Variants in COPS6 observed in about 807,000 individuals in gnomAD.
COPS6 encodes the protein COP9 signalosome subunit 6, also known as COP9 signalosome complex subunit 6.
COPS6 carries 9 observed loss-of-function variants against 41.0 expected under a neutral mutation model. The ratio of observed to expected loss-of-function variants is 0.22; its 90% CI spans 0.13 to 0.38. The LOEUF (loss-of-function observed/expected upper bound fraction) is 0.38. Among genes scored for constraint, COPS6 ranks in the 10% least tolerant of loss-of-function variants. The probability of loss-of-function intolerance (pLI) is 1.00; values close to 1 mark genes in which losing one functional copy is unlikely to be tolerated. For synonymous variants in COPS6, 179 were observed against 162.9 expected (o/e 1.10, Z -0.75); for missense variants, 302 against 436.7 (o/e 0.69, Z 2.75).
Position 100,090,885 on chromosome 7 carries a change from C to T in COPS6, c.487-17C>T, listed in dbSNP as rs760750182. The T allele has an allele frequency of 1.9e-6, 3 of 1,614,102 alleles. No homozygotes were observed. In the South Asian group the frequency reaches 3.3e-5, roughly 18 times the overall value. Reference sequence around the variant, plus strand: ...ATGTTGGCATATAGTGTTCAGGTTTCTCCGTCTCCTTCACAGCTTCCTGTC... The same window carrying T: ...ATGTTGGCATATAGTGTTCAGGTTTTTCCGTCTCCTTCACAGCTTCCTGTC... On this transcript the variant is annotated splice_polypyrimidine_tract_variant and intron_variant, in intron 5 of 9. Coordinates refer to ENST00000303904, the MANE Select transcript of COPS6 (RefSeq NM_006833.5).
chr7:100,091,267 G>A lies in COPS6; in HGVS notation c.679G>A (p.Ala227Thr). Reference protein sequence around the residue: ...VAEHLIAQHSAIKMLHSRVKL... With the variant: ...VAEHLIAQHSTIKMLHSRVKL... Reference sequence around the variant, plus strand: ...TGAACACCTGATAGCACAGCACAGCGCCATCAAGATGCTGCACAGCCGCGT... The same window carrying A: ...TGAACACCTGATAGCACAGCACAGCACCATCAAGATGCTGCACAGCCGCGT... The change falls in exon 8 of 10, where the codon GCC becomes ACC. Residue 227 changes from alanine to threonine, a missense_variant. Physicochemically the swap from Ala to Thr is moderately conservative, Grantham distance 58. This residue lies in a region of COPS6 where 222 missense variants were observed against 309.0 expected (regional missense o/e 0.72). Transcript: ENST00000303904. The surrounding 1 kb of genome is among the most constrained non-coding windows in gnomAD (Gnocchi z 4.1). 6.2e-7 allele frequency: 1 copy of A among 1,614,138 alleles called. No individual in the cohort carries two copies.
chr7:100,089,550 T>TA, intron 2 of COPS6, 65 bp from the exon 3 acceptor site: 1 of 1,601,382 alleles, frequency 6.2e-7, no homozygotes, highest in Non-Finnish European at 8.5e-7. Context: ...TTCCCACTGA[T>TA]CTCAGACCCT....
intron 4 of COPS6, 23 bp downstream of exon 4, chr7:100,090,510 A>T: frequency 3.7e-6 from 6 of 1,612,102 alleles, no homozygotes; most frequent in Non-Finnish European, 5.1e-6. Flanking sequence ...ACACCTGTGC[A>T]TGCTGGGGCA....
chr7:100,089,005 G>GGCGGCGGCT lies in COPS6; in HGVS notation c.18_26dup (p.Ala8_Ala10dup). 4 of 1,311,382 alleles carry GGCGGCGGCT rather than the reference G, an allele frequency of 3.1e-6. No individual in the cohort carries two copies. Among genetic ancestry groups the GGCGGCGGCT allele is most frequent in the Middle Eastern group, 4.0e-4 (2 of 4,990 alleles). The allele number at this position is 1,311,382 out of a possible 1,614,324, so 81.2% of individuals were successfully genotyped here. ...GCGCGGGGAAAATGGCGGCGGCGGC[G>GGCGGCGGCT]GCGGCGGCTGCAGCTACGAACGGGA... On this transcript the variant is annotated inframe_insertion, in exon 1 of 10. Coordinates refer to ENST00000303904, the MANE Select transcript of COPS6 (RefSeq NM_006833.5).
rs1487197861 is a variant in COPS6, at chr7:100,090,393, C to G, written c.335-6C>G. On this transcript the variant is annotated splice_region_variant and splice_polypyrimidine_tract_variant and intron_variant, in intron 3 of 9. Coordinates refer to ENST00000303904, the MANE Select transcript of COPS6 (RefSeq NM_006833.5). The stretch of plus-strand genomic sequence containing the variant: ...TTACTATATGTTCTGGCCCCTTCCC[C>G]TCTAGTTAAACAGGTGTTCAAGGAG... 1 of 1,608,688 alleles carries G rather than the reference C, an allele frequency of 6.2e-7. No homozygotes were observed. Among genetic ancestry groups the G allele is most frequent in the Non-Finnish European group, 8.5e-7 (1 of 1,175,240 alleles).
At position 100,091,657 on chromosome 7, in the gene COPS6, C is replaced by T. The variant is rs775484271; in HGVS notation, c.852C>T (p.Asn284=). The change falls in exon 10 of 10, where the codon AAC becomes AAT. Residue 284 remains asparagine (N), a synonymous_variant. Transcript: ENST00000303904. This position sits in a 1 kb window ranked among gnomAD's most constrained non-coding sequence, Gnocchi z 4.1. ...TTTCTGTTCCCTCCCAGCAATGCAA[C>T]GACGTGGGGCTCATGGCCTACCTCG... ...KFKTDFYDQC[N]DVGLMAYLGT... 11 of 1,614,186 alleles carry T rather than the reference C, an allele frequency of 6.8e-6. No homozygotes were observed. The highest frequency in any genetic ancestry group is 2.2e-5 in the East Asian group (1 of 44,890).
rs1160104645 is a variant in COPS6, at chr7:100,090,635, C to G, written c.467C>G (p.Pro156Arg). ...AGCCCCCTCTTTCTGAAGTTGAACC[C>G]TATGACCAAGCACACAGATGTGAGT... Reference protein sequence around the residue: ...IESPLFLKLNPMTKHTDLPVS... With the variant: ...IESPLFLKLNRMTKHTDLPVS... The change falls in exon 5 of 10, where the codon CCT becomes CGT. Residue 156 changes from proline (P) to arginine (R), a missense_variant. Pro to Arg is a moderately radical substitution (Grantham distance 103, BLOSUM62 -2). Transcript: ENST00000303904. 8 of 1,614,086 alleles carry G rather than the reference C, an allele frequency of 5.0e-6. No individual in the cohort carries two copies. Among genetic ancestry groups the G allele is most frequent in the Non-Finnish European group, 6.8e-6 (8 of 1,179,948 alleles).
Position 100,091,855 on chromosome 7 carries a change from T to C in COPS6, c.*66T>C. 1 of 1,599,374 alleles carries C rather than the reference T, an allele frequency of 6.3e-7. No individual in the cohort carries two copies. Among genetic ancestry groups the C allele is most frequent in the Admixed American group, 1.7e-5 (1 of 59,008 alleles). ...TATCCCAAAGGGGAGGGCACTACAC[T>C]TCCTTGAGAGAAACCGCTGTCATTA... is the stretch of plus-strand genomic sequence containing the variant. On this transcript the variant is annotated 3_prime_UTR_variant, in exon 10 of 10. Transcript: ENST00000303904. The surrounding 1 kb of genome is among the most constrained non-coding windows in gnomAD (Gnocchi z 4.1).
At chr7:100,089,550 T>C in intron 2 of COPS6, 65 bp from the exon 3 acceptor site, 1 of 1,601,382 alleles carries the variant, frequency 6.2e-7, no homozygotes, top group Non-Finnish European at 8.5e-7. Flanking sequence ...TTCCCACTGA[T>C]CTCAGACCCT....
intron 1 of COPS6, 108 bp downstream of exon 1, chr7:100,089,174 C>T (rs1236793296): frequency 6.6e-7 from 1 of 1,516,020 alleles, no homozygotes; most frequent in Non-Finnish European, 8.8e-7. Flanking sequence ...ACATCTTTCC[C>T]TGGGATAAGT....
At position 100,091,205 on chromosome 7, in the gene COPS6, T is replaced by A; in HGVS notation, c.650-33T>A. On this transcript the variant is annotated intron_variant, in intron 7 of 9. Transcript: ENST00000303904. The surrounding 1 kb of genome is among the most constrained non-coding windows in gnomAD (Gnocchi z 4.1). ...GGTTGGAAGGTGTGGCCACATCCCG[T>A]CTCAACCTCCTCCTGTCCTCATCCC... 6.2e-7 allele frequency: 1 copy of A among 1,613,922 alleles called. No homozygotes were observed. The highest frequency in any genetic ancestry group is 8.5e-7 in the Non-Finnish European group (1 of 1,179,788).
chr7:100,091,438 A>T lies in COPS6; in HGVS notation c.761A>T (p.His254Leu). 3.7e-6 allele frequency: 6 copies of T among 1,614,162 alleles called. No individual in the cohort carries two copies. The highest frequency in any genetic ancestry group is 5.1e-6 in the Non-Finnish European group (6 of 1,180,020). The part of the protein sequence containing the change: ...ASEAGEVPFN[H>L]EILREAYALC... ...CCTTTAGGAGAGGTCCCCTTTAATC[A>T]TGAGATCCTGCGGGAGGCCTATGCT... Residue 254 changes from histidine (H) to leucine (L), a missense_variant, in exon 9 of 10, where the codon CAT becomes CTT. By Grantham distance (99) the His-to-Leu change is moderately conservative (BLOSUM62 -3). Around this residue, in one of 3 missense-constraint regions of COPS6, gnomAD observed 222 missense variants for 309.0 expected, o/e 0.72. Coordinates refer to ENST00000303904, the MANE Select transcript of COPS6 (RefSeq NM_006833.5). The surrounding 1 kb of genome is among the most constrained non-coding windows in gnomAD (Gnocchi z 4.1).
At position 100,090,942 on chromosome 7, in the gene COPS6, A is replaced by T; in HGVS notation, c.527A>T (p.Asn176Ile). 2 of 1,614,242 alleles carry T rather than the reference A, an allele frequency of 1.2e-6. No individual in the cohort carries two copies. Among genetic ancestry groups the T allele is most frequent in the Admixed American group, 1.7e-5 (1 of 60,034 alleles). The change falls in exon 6 of 10, where the codon AAT becomes ATT. Residue 176 changes from asparagine to isoleucine, a missense_variant. This residue lies in a region of COPS6 where 222 missense variants were observed against 309.0 expected (regional missense o/e 0.72). Transcript: ENST00000303904. ...TTTGAGTCTGTCATTGATATAATCA[A>T]TGGAGAGGTAATACCCTACCCTTCA... ...SVFESVIDII[N>I]GEATMLFAEL...
Position 100,092,142 on chromosome 7 carries a change from A to G in COPS6, c.*353A>G. 1 of 246,506 alleles carries G rather than the reference A, an allele frequency of 4.1e-6. No homozygotes were observed. The highest frequency in any genetic ancestry group is 7.9e-6 in the Non-Finnish European group (1 of 127,358). 15.3% of individuals were successfully genotyped at this position (246,506 alleles called of 1,614,324 possible). On this transcript the variant is annotated 3_prime_UTR_variant, in exon 10 of 10. Coordinates refer to ENST00000303904, the MANE Select transcript of COPS6 (RefSeq NM_006833.5). ...ACACTTTAATGTCACCCTCTACATC[A>G]TCTTACCTAGCCCACCCAACCTTAT...
At position 100,089,026 on chromosome 7, in the gene COPS6, C is replaced by A; in HGVS notation, c.36C>A (p.Asn12Lys). ...CGGCGGCGGCGGCTGCAGCTACGAA[C>A]GGGACCGGAGGAAGCAGCGGGATGG... ...AAAAAAAAAT[N>K]GTGGSSGMEV... The change falls in exon 1 of 10, where the codon AAC becomes AAA. Residue 12 changes from asparagine (N) to lysine (K), a missense_variant. Asn to Lys is a moderately conservative substitution (Grantham distance 94). This residue lies in a region of COPS6 where 76 missense variants were observed against 97.9 expected (regional missense o/e 0.78). Coordinates refer to ENST00000303904, the MANE Select transcript of COPS6 (RefSeq NM_006833.5). 2.3e-6 allele frequency: 3 copies of A among 1,328,800 alleles called. No individual in the cohort carries two copies. Among genetic ancestry groups the A allele is most frequent in the South Asian group, 4.7e-5 (2 of 42,448 alleles). 82.3% of individuals were successfully genotyped at this position (1,328,800 alleles called of 1,614,324 possible).
intron 4 of COPS6, 22 bp from the exon 5 acceptor site, chr7:100,090,570 G>A (rs1584479335): frequency 1.2e-6 from 2 of 1,613,624 alleles, no homozygotes; most frequent in Non-Finnish European, 1.7e-6. Flanking sequence ...CTGACTTCCT[G>A]TGCATTGTCC....
rs1795327195 is a variant in COPS6 at position 100,091,769 on chromosome 7, A to G, written c.964A>G (p.Met322Val). Residue 322 changes from methionine to valine, a missense_variant, in exon 10 of 10, where the codon ATG (methionine) becomes GTG (valine). Met to Val is a conservative substitution (Grantham distance 21, BLOSUM62 1). Around this residue, in one of 3 missense-constraint regions of COPS6, gnomAD observed 222 missense variants for 309.0 expected, o/e 0.72. Coordinates refer to ENST00000303904, the MANE Select transcript of COPS6 (RefSeq NM_006833.5). The surrounding 1 kb of genome is among the most constrained non-coding windows in gnomAD (Gnocchi z 4.1). ...LYDRQGIGRR[M>V]RGLFF Reference sequence around the variant, plus strand: ...CGACCGACAAGGCATCGGCAGGAGAATGCGCGGGCTCTTTTTCTGATGAGG... The same window carrying G: ...CGACCGACAAGGCATCGGCAGGAGAGTGCGCGGGCTCTTTTTCTGATGAGG... 2 of 1,614,134 alleles carry G rather than the reference A, an allele frequency of 1.2e-6. No individual in the cohort carries two copies. Among genetic ancestry groups the G allele is most frequent in the Non-Finnish European group, 1.7e-6 (2 of 1,180,050 alleles).
intron 1 of COPS6, 64 bp from the exon 2 acceptor site, chr7:100,089,226 G>A: frequency 1.9e-6 from 3 of 1,559,740 alleles, no homozygotes; most frequent in Non-Finnish European, 2.6e-6. Context: ...GTCCCCCACT[G>A]CCATCTCCAG....
Position 100,089,420 on chromosome 7 carries a change from G to GT in COPS6, c.202+6dup. Reference sequence around the variant, plus strand: ...AGGAGGGGCGGCCTGTGCAGGGTGAGTGTTGGGCATAGACTCCAGTCTCTT... The same window carrying GT: ...AGGAGGGGCGGCCTGTGCAGGGTGAGTTGTTGGGCATAGACTCCAGTCTCTT... On this transcript the variant is annotated splice_donor_region_variant and intron_variant, in intron 2 of 9. Transcript: ENST00000303904. 1 of 1,614,082 alleles carries GT rather than the reference G, an allele frequency of 6.2e-7. No individual in the cohort carries two copies. The highest frequency in any genetic ancestry group is 1.7e-5 in the Admixed American group (1 of 60,008).
Sources: gnomAD v4.1 joint callset for allele counts on GRCh38, gnomAD v4.1.1 for gene constraint, gnomAD v4.1.1 regional missense constraint, Gnocchi (gnomAD v3.1) non-coding constraint, MANE v1.5 for transcripts, NCBI Gene and HGNC (gene_info 2026-07-23, HGNC 2026-07-21) for gene names.